CRKL: variants seen among roughly 807,000 people sequenced by gnomAD.
CRKL encodes CRK like proto-oncogene, adaptor protein.
CRKL carries 3 observed loss-of-function variants against 23.0 expected under a neutral mutation model. That is an observed-to-expected ratio of 0.13 (90% confidence interval 0.06 to 0.34). The LOEUF (loss-of-function observed/expected upper bound fraction) is 0.34. CRKL is among the 10% of genes least tolerant of loss of function. The pLI is 1.00. For synonymous variants in CRKL, 188 were observed against 160.7 expected (o/e 1.17, Z -1.28); for missense variants, 256 against 394.5 (o/e 0.65, Z 2.97).
intron 1 of CRKL, among the ~76,000 whole-genome samples, chr22:20,918,869 C>G (rs1309992644): frequency 2.6e-5 from 4 of 152,090 alleles, no homozygotes; most frequent in African/African-American, 9.7e-5. Flanking sequence ...GGATTACAGG[C>G]GTGAGCCACC....
At chr22:20,947,257 A>G (rs1164651088) in intron 2 of CRKL, among the ~76,000 whole-genome samples, 1 of 133,388 alleles carries the variant, frequency 7.5e-6, no homozygotes, top group Non-Finnish European at 1.6e-5. Context: ...TTTTTTTTTC[A>G]ATAGAAGCTA....
chr22:20,920,409 G>A (rs944639863), intron 1 of CRKL, among the ~76,000 whole-genome samples: 45 of 152,124 alleles, frequency 3.0e-4, no homozygotes, highest in African/African-American at 1.1e-3. Context: ...GGCTGAGGCA[G>A]GAGAATCGCT....
intron 1 of CRKL, among the ~76,000 whole-genome samples, chr22:20,926,127 G>C (rs944426365): frequency 6.6e-6 from 1 of 152,170 alleles, no homozygotes; most frequent in African/African-American, 2.4e-5. Context: ...AGAAGAGATG[G>C]TGGCAGTGCT....
rs1929742772 is a variant in CRKL, at chr22:20,917,737, C to T, written c.-198C>T. On this transcript the variant is annotated 5_prime_UTR_variant, in exon 1 of 3. Coordinates refer to ENST00000354336, the MANE Select transcript of CRKL (RefSeq NM_005207.4). Reference sequence around the variant, plus strand: ...CCGGGCGGCTCTCTCCGTGTGGCGGCCCCGGAGCAGGCGGGCGGCGTCGGA... The same window carrying T: ...CCGGGCGGCTCTCTCCGTGTGGCGGTCCCGGAGCAGGCGGGCGGCGTCGGA... The T allele has an allele frequency of 4.9e-6, 3 of 607,608 alleles. No homozygotes were observed. Among genetic ancestry groups the T allele is most frequent in the Admixed American group, 3.1e-5 (1 of 32,000 alleles). The allele number at this position is 607,608 out of a possible 1,614,324, so 37.6% of individuals were successfully genotyped here. A position where few individuals can be genotyped will look rare whatever the true frequency, so the allele number is the denominator to read the frequency against.
chr22:20,948,895 C>T (rs773984301), intron 2 of CRKL, among the ~76,000 whole-genome samples: 1 of 152,190 alleles, frequency 6.6e-6, no homozygotes, highest in African/African-American at 2.4e-5. Flanking sequence ...CCTAAGTACA[C>T]AATACAGAAC....
chr22:20,937,638 G>T (rs1010908936), intron 2 of CRKL, among the ~76,000 whole-genome samples: 2 of 151,420 alleles, frequency 1.3e-5, no homozygotes, highest in Non-Finnish European at 2.9e-5. Flanking sequence ...TGTATTTTAA[G>T]ATAACCTACA....
In CRKL at chr22:20,951,726, T is replaced by G. The variant is rs1338938895; in HGVS notation, c.*1881T>G. ...ACAGAACCAGCAGAACAGCCATTTT[T>G]CAATTTTTCTTTAAATCAGTATTCC... On this transcript the variant is annotated 3_prime_UTR_variant, in exon 3 of 3. Transcript: ENST00000354336. The G allele has an allele frequency of 4.5e-6, 1 of 222,994 alleles. No homozygotes were observed. The highest frequency in any genetic ancestry group is 9.0e-6 in the Non-Finnish European group (1 of 111,660). The allele number at this position is 222,994 out of a possible 1,614,324, so 13.8% of individuals were successfully genotyped here. A position where few individuals can be genotyped will look rare whatever the true frequency, so the allele number is the denominator to read the frequency against.
At chr22:20,945,313 T>C (rs995924688) in intron 2 of CRKL, among the ~76,000 whole-genome samples, 1 of 152,144 alleles carries the variant, frequency 6.6e-6, no homozygotes, top group African/African-American at 2.4e-5. Context: ...TTCTTAATTA[T>C]TCATTACCAA....
intron 1 of CRKL, among the ~76,000 whole-genome samples, chr22:20,924,291 T>C (rs1921110296): frequency 6.6e-6 from 1 of 152,284 alleles, no homozygotes; most frequent in East Asian, 1.9e-4. Flanking sequence ...GTGCTTAGTC[T>C]AACCTGAGAG....
chr22:20,933,964 A>G lies in CRKL; in HGVS notation c.497A>G (p.Lys166Arg), dbSNP rs2147905069. The G allele has an allele frequency of 2.5e-6, 4 of 1,614,216 alleles. No individual in the cohort carries two copies. In the South Asian group the frequency reaches 4.4e-5, roughly 18 times the overall value. ...PEEQWWSARNKDGRVGMIPVP... is the reference protein window; with the variant it reads ...PEEQWWSARNRDGRVGMIPVP... ...GAACAGTGGTGGAGTGCCCGGAACA[A>G]GGATGGCCGGGTTGGGATGATTCCT... The change falls in exon 2 of 3, where the codon AAG (lysine) becomes AGG (arginine). Residue 166 changes from lysine (K) to arginine (R), a missense_variant. Physicochemically the swap from Lys to Arg is conservative, Grantham distance 26 (BLOSUM62 2). Coordinates refer to ENST00000354336, the MANE Select transcript of CRKL (RefSeq NM_005207.4).
chr22:20,937,613 C>T (rs1018907173), intron 2 of CRKL, among the ~76,000 whole-genome samples: 1 of 151,034 alleles, frequency 6.6e-6, no homozygotes, highest in African/African-American at 2.4e-5. Context: ...AGGAAGGAAG[C>T]CTGGTTAATG....
chr22:20,932,946 G>A (rs1921508489), intron 1 of CRKL, among the ~76,000 whole-genome samples: 1 of 152,038 alleles, frequency 6.6e-6, no homozygotes, highest in African/African-American at 2.4e-5. Context: ...TGGGTATGGT[G>A]TTGCACATCT....
intron 1 of CRKL, among the ~76,000 whole-genome samples, chr22:20,927,222 G>C (rs1325275776): frequency 2.5e-5 from 2 of 81,062 alleles, no homozygotes; most frequent in Non-Finnish European, 4.3e-5. Flanking sequence ...AGACAGTGTC[G>C]CTCTGTCGCC....
intron 1 of CRKL, among the ~76,000 whole-genome samples, chr22:20,919,796 A>G (rs1282317037): frequency 1.3e-5 from 2 of 152,160 alleles, no homozygotes; most frequent in South Asian, 2.1e-4. Context: ...ATTAAAAGCT[A>G]TTATAATTGA....
intron 1 of CRKL, among the ~76,000 whole-genome samples, chr22:20,920,461 C>G (rs1424531766): frequency 2.0e-5 from 3 of 151,350 alleles, no homozygotes; most frequent in African/African-American, 7.3e-5. Context: ...GAGATCGCGC[C>G]ACTGCACAGC....
Position 20,950,056 on chromosome 22 carries a change from T to C in CRKL, c.*211T>C. 1 of 564,776 alleles carries C rather than the reference T, an allele frequency of 1.8e-6. No individual in the cohort carries two copies. The highest frequency in any genetic ancestry group is 2.0e-5 in the African/African-American group (1 of 50,970). The allele number at this position is 564,776 out of a possible 1,614,324, so 35.0% of individuals were successfully genotyped here. The stretch of plus-strand genomic sequence containing the variant: ...CGTATTGTCAAAGAGTAGCCGATTT[T>C]AGAGTTCTTTTGGATCATAAACTGG... On this transcript the variant is annotated 3_prime_UTR_variant, in exon 3 of 3. Transcript: ENST00000354336.
At chr22:20,932,509 G>A (rs2147903359) in intron 1 of CRKL, among the ~76,000 whole-genome samples, 1 of 152,186 alleles carries the variant, frequency 6.6e-6, no homozygotes, top group South Asian at 2.1e-4. Context: ...AAGTGTGCAG[G>A]ATGTAAGCCA....
chr22:20,941,568 G>GTATA (rs1921877655), intron 2 of CRKL, among the ~76,000 whole-genome samples: 2 of 19,614 alleles, frequency 1.0e-4, no homozygotes, highest in African/African-American at 2.4e-4. Flanking sequence ...GTGTGTGTGT[G>GTATA]TGTGTGTGTG....
intron 1 of CRKL, among the ~76,000 whole-genome samples, chr22:20,925,593 G>A (rs981839066): frequency 1.3e-5 from 2 of 152,198 alleles, no homozygotes; most frequent in African/African-American, 4.8e-5. Flanking sequence ...CCTATTAGTT[G>A]GGAGTTCAGA....
Sources: gnomAD v4.1 joint callset for allele counts (sites outside exome capture counted in the v4.1 genomes callset) on GRCh38, gnomAD v4.1.1 for gene constraint, MANE v1.5 for transcripts, NCBI Gene and HGNC (gene_info 2026-07-23, HGNC 2026-07-21) for gene names.